Variants in MYT1L observed in about 807,000 individuals in gnomAD.
MYT1L encodes myelin transcription factor 1 like.
A neutral mutation model predicts 126.7 loss-of-function variants in MYT1L; 12 were observed. The observed-to-expected ratio is 0.09, with a 90% CI of 0.06 to 0.15. The LOEUF (loss-of-function observed/expected upper bound fraction) is 0.15, where lower values mean the gene tolerates loss of function less well. Ranked by LOEUF, MYT1L falls within the 10% of genes least tolerant of loss-of-function variation. The pLI is 1.00. For synonymous variants in MYT1L, 541 were observed against 604.2 expected (o/e 0.90, Z 1.53); for missense variants, 979 against 1,585.2 (o/e 0.62, Z 6.49).
At chr2:1,953,847 GATA>G (rs2058102951) in intron 8 of MYT1L, among the ~76,000 whole-genome samples, 2 of 152,320 alleles carry the variant, frequency 1.3e-5, no homozygotes, top group Non-Finnish European at 2.9e-5. Context: ...CTAGAATGTT[GATA>G]ATGTTACCAC....
At chr2:2,308,575 T>G (rs957013291) in intron 1 of MYT1L, among the ~76,000 whole-genome samples, 6 of 152,068 alleles carry the variant, frequency 3.9e-5, no homozygotes, top group East Asian at 1.9e-4. Flanking sequence ...ATACTCTACC[T>G]ATACTTAACT....
chr2:2,063,023 A>G (rs1034548563), intron 3 of MYT1L, among the ~76,000 whole-genome samples: 1 of 152,200 alleles, frequency 6.6e-6, no homozygotes, highest in Admixed American at 6.5e-5. Flanking sequence ...GGAGCTGGAC[A>G]GACCCTCCAA....
intron 4 of MYT1L, among the ~76,000 whole-genome samples, chr2:2,019,255 A>G (rs2064776004): frequency 6.6e-6 from 1 of 151,970 alleles, no homozygotes; most frequent in Non-Finnish European, 1.5e-5. Context: ...TAAGTCTGAT[A>G]AGATTTGATG....
At chr2:2,030,390 A>G (rs746617032) in intron 4 of MYT1L, among the ~76,000 whole-genome samples, 52 of 152,200 alleles carry the variant, frequency 3.4e-4, no homozygotes, top group Non-Finnish European at 4.3e-4. Context: ...AGTTTTAAAT[A>G]TAAGTGAAGT....
chr2:2,054,145 GA>G (rs1412496570), intron 3 of MYT1L, 22 bp from the exon 4 acceptor site: 1 of 152,654 alleles, frequency 6.6e-6, no homozygotes, highest in Non-Finnish European at 1.5e-5. Context: ...CAAAAAGGCA[GA>G]ATAATGAGGC....
intron 9 of MYT1L, among the ~76,000 whole-genome samples, chr2:1,938,362 C>A (rs1332185601): frequency 6.6e-6 from 1 of 152,110 alleles, no homozygotes; most frequent in Non-Finnish European, 1.5e-5. Flanking sequence ...ATAGAAAAAT[C>A]TATGGCCATT....
chr2:1,794,858 T>A (rs753179764), intron 23 of MYT1L, among the ~76,000 whole-genome samples: 7 of 152,196 alleles, frequency 4.6e-5, no homozygotes, highest in Non-Finnish European at 1.0e-4. Flanking sequence ...GAACAAAATA[T>A]GCAGTTTGAA....
In MYT1L at chr2:1,790,787, C is replaced by T. The variant is rs2031945469; in HGVS notation, c.*1080G>A. On this transcript the variant is annotated 3_prime_UTR_variant, in exon 25 of 25. Transcript: ENST00000647738. The stretch of plus-strand genomic sequence containing the variant: ...ACTAGAAGACTCACAAATCATTTGC[C>T]TTTATCCCTCAAATGTAAAATAAGA... 1 of 157,132 alleles carries T rather than the reference C, an allele frequency of 6.4e-6. No homozygotes were observed. Among genetic ancestry groups the T allele is most frequent in the African/African-American group, 2.4e-5 (1 of 41,422 alleles). 9.7% of individuals were successfully genotyped at this position (157,132 alleles called of 1,614,324 possible). A position where few individuals can be genotyped will look rare whatever the true frequency, so the allele number is the denominator to read the frequency against.
At chr2:2,319,732 T>C (rs1300446337) in intron 1 of MYT1L, among the ~76,000 whole-genome samples, 1 of 151,748 alleles carries the variant, frequency 6.6e-6, no homozygotes, top group Non-Finnish European at 1.5e-5. Context: ...TAGAAGTATT[T>C]ATGATTACCC....
Position 1,798,194 on chromosome 2 carries a change from T to C in MYT1L, c.3276+3502A>G, listed in dbSNP as rs1482409432. 5.2e-3 allele frequency among the ~76,000 whole-genome samples: 86 copies of C among 16,676 alleles called. 5 individuals are homozygous for C. Among genetic ancestry groups the C allele is most frequent in the South Asian group, 0.012 (2 of 164 alleles). The allele number at this position is 16,676 out of a possible 152,430, so 10.9% of individuals were successfully genotyped here. A position where few individuals can be genotyped will look rare whatever the true frequency, so the allele number is the denominator to read the frequency against. ...TCCGGCACAGGCGCGGCGGTCTCCCTCTTCTCCGGCACAGGCGCGGCGGTC... is the reference window on the plus strand; with the variant it reads ...TCCGGCACAGGCGCGGCGGTCTCCCCCTTCTCCGGCACAGGCGCGGCGGTC... On this transcript the variant is annotated intron_variant, in intron 23 of 24. Coordinates refer to ENST00000647738, the MANE Select transcript of MYT1L (RefSeq NM_001303052.2).
At chr2:2,102,793 C>T (rs1421582034) in intron 3 of MYT1L, among the ~76,000 whole-genome samples, 2 of 152,062 alleles carry the variant, frequency 1.3e-5, no homozygotes, top group East Asian at 1.9e-4. Context: ...GCACTCTCAT[C>T]CCTATCTGGT....
At chr2:1,986,731 G>C (rs1190957618) in intron 5 of MYT1L, among the ~76,000 whole-genome samples, 2 of 152,156 alleles carry the variant, frequency 1.3e-5, no homozygotes, top group African/African-American at 4.8e-5. Context: ...GCCAGGAAGA[G>C]AGAGGCCTCA....
intron 2 of MYT1L, among the ~76,000 whole-genome samples, chr2:2,260,057 C>T (rs925768067): frequency 6.6e-6 from 1 of 152,144 alleles, no homozygotes; most frequent in African/African-American, 2.4e-5. Context: ...GGCCTGGCTC[C>T]CTCTAAACAA....
intron 1 of MYT1L, among the ~76,000 whole-genome samples, chr2:2,289,616 C>T (rs1335099199): frequency 2.6e-5 from 4 of 152,160 alleles, no homozygotes; most frequent in African/African-American, 9.7e-5. Flanking sequence ...ATAAGAAGAG[C>T]CCTTGTACCA....
rs2075181372 is a variant in MYT1L, at chr2:2,076,020, ATCTGGAC to A, written c.-303-21904_-303-21898del. On this transcript the variant is annotated intron_variant, in intron 3 of 24. Transcript: ENST00000647738. ...TATCTGAAATTGCAGCTCTTAGGAAATCTGGACTCTGTGGGCACAGTAGTGAGGGAAA... is the reference window on the plus strand; with the variant it reads ...TATCTGAAATTGCAGCTCTTAGGAAATCTGTGGGCACAGTAGTGAGGGAAA... Among the ~76,000 whole-genome samples the A allele has an allele frequency of 2.0e-5, 3 of 152,350 alleles. No individual in the cohort carries two copies. In the South Asian group the frequency reaches 6.2e-4, roughly 32 times the overall value.
At chr2:2,261,775 A>G (rs2094974938) in intron 2 of MYT1L, among the ~76,000 whole-genome samples, 1 of 152,188 alleles carries the variant, frequency 6.6e-6, no homozygotes, top group African/African-American at 2.4e-5. Context: ...TGGAGACTGA[A>G]AGTAAAGCCT....
At chr2:1,974,902 G>T (rs1198836047) in intron 8 of MYT1L, among the ~76,000 whole-genome samples, 2 of 152,042 alleles carry the variant, frequency 1.3e-5, no homozygotes, top group South Asian at 2.1e-4. Flanking sequence ...TTGTACATAG[G>T]CTTATCAGTT....
intron 3 of MYT1L, among the ~76,000 whole-genome samples, chr2:2,119,308 A>G (rs1391565145): frequency 1.3e-5 from 2 of 152,262 alleles, no homozygotes; most frequent in Non-Finnish European, 1.5e-5. Flanking sequence ...ATAAATAGGC[A>G]CTTAAGAATT....
In MYT1L at chr2:2,215,345, T is replaced by C. The variant is rs559777940; in HGVS notation, c.-420-42357A>G. ...CAAAAGTAGGTTAAACATAAAAAGA[T>C]GAAAAAAGATACATCATGCTTGCAC... On this transcript the variant is annotated intron_variant, in intron 2 of 24. Coordinates refer to ENST00000647738, the MANE Select transcript of MYT1L (RefSeq NM_001303052.2). Among the ~76,000 whole-genome samples, 5 of 152,040 alleles carry C rather than the reference T, an allele frequency of 3.3e-5. No homozygotes were observed. The East Asian group carries it at 5.8e-4, about 18-fold the overall frequency.
Sources: allele counts gnomAD v4.1 joint callset (sites outside exome capture counted in the v4.1 genomes callset), GRCh38; gene constraint gnomAD v4.1.1; transcripts MANE v1.5; gene names NCBI Gene and HGNC (gene_info 2026-07-23, HGNC 2026-07-21).